CECR2: variants seen among roughly 807,000 people sequenced by gnomAD.
CECR2 encodes CECR2 histone acetyl-lysine reader.
Under a neutral mutation model 154.5 loss-of-function variants are expected in CECR2, and 30 were observed. The observed-to-expected ratio is 0.19, with a 90% CI of 0.15 to 0.26. The LOEUF (loss-of-function observed/expected upper bound fraction) is 0.26, where lower values mean the gene tolerates loss of function less well. CECR2 is among the 10% of genes least tolerant of loss of function. CECR2 has a pLI of 1.00. For synonymous variants in CECR2, 725 were observed against 683.7 expected, an observed-to-expected ratio of 1.06 and a Z score of -0.94; for missense variants, 1,743 against 1,829.3, an observed-to-expected ratio of 0.95 and a Z score of 0.86.
At chr22:17,465,403 T>C (rs5747186) in intron 1 of CECR2, among the ~76,000 whole-genome samples, 36,995 of 151,820 alleles carry the variant, frequency 0.24, 5,345 homozygotes, top group African/African-American at 0.41. Flanking sequence ...AGTCTTGGCT[T>C]GCTGCAATCT....
intron 2 of CECR2, among the ~76,000 whole-genome samples, chr22:17,478,882 T>C (rs779761462): frequency 1.3e-5 from 2 of 152,220 alleles, no homozygotes; most frequent in Non-Finnish European, 2.9e-5. Context: ...AAAATAAACA[T>C]AAAATATACC....
rs919296349 is a variant in CECR2, at chr22:17,542,999, C to T, written c.2856C>T (p.Asp952=). 2.5e-6 allele frequency: 4 copies of T among 1,602,118 alleles called. No individual in the cohort carries two copies. Among genetic ancestry groups the T allele is most frequent in the African/African-American group, 1.3e-5 (1 of 74,630 alleles). Residue 952 remains aspartate (D), a synonymous_variant, in exon 16 of 19, where the codon GAC becomes GAT. Coordinates refer to ENST00000262608, the MANE Select transcript of CECR2 (RefSeq NM_001290047.2). The stretch of plus-strand genomic sequence containing the variant: ...GTGAAGCACAAGAGCCTGAGAATGA[C>T]CAAGGTAATTTACACTGTCACTTTG... The part of the protein sequence containing the change: ...ENSEAQEPEN[D]QAEPLPGLEE...
chr22:17,365,622 G>A (rs565750996), upstream of CECR2, among the ~76,000 whole-genome samples: 25 of 152,176 alleles, frequency 1.6e-4, no homozygotes, highest in African/African-American at 5.5e-4. Context: ...TGTGAACCGG[G>A]GAGGCGGAGC....
chr22:17,414,183 A>C (rs753991529), intron 1 of CECR2, among the ~76,000 whole-genome samples: 11 of 151,638 alleles, frequency 7.3e-5, no homozygotes, highest in Admixed American at 3.3e-4. Flanking sequence ...TGTGTTAGCC[A>C]GGATGGTCTC....
intron 1 of CECR2, among the ~76,000 whole-genome samples, chr22:17,363,459 T>G (rs1339415416): frequency 6.6e-6 from 1 of 152,088 alleles, no homozygotes; most frequent in East Asian, 1.9e-4. Context: ...CCGCCTGCCT[T>G]GGCCTCCCAA....
intron 9 of CECR2, chr22:17,524,879 T>G (rs1307303392): frequency 5.0e-6 from 2 of 397,740 alleles, no homozygotes; most frequent in Non-Finnish European, 1.0e-5. Flanking sequence ...GTTGGGCAGG[T>G]TGGTCTCAAA....
chr22:17,499,130 C>G (rs2146877344), intron 3 of CECR2, among the ~76,000 whole-genome samples: 1 of 152,196 alleles, frequency 6.6e-6, no homozygotes, highest in African/African-American at 2.4e-5. Context: ...GCTGGGATTA[C>G]AGGCGCGCGC....
At position 17,378,968 on chromosome 22, in the gene CECR2, T is replaced by C. The variant is rs1376948737; in HGVS notation, c.126+9059T>C. ...ATGTTTTGTTAATTTTTTTCTTTCT[T>C]TGAGACAGAGTTTTGCTTTTGTGGC... is the stretch of plus-strand genomic sequence containing the variant. On this transcript the variant is annotated intron_variant, in intron 1 of 18. Coordinates refer to ENST00000262608, the MANE Select transcript of CECR2 (RefSeq NM_001290047.2). Among the ~76,000 whole-genome samples the C allele has an allele frequency of 2.0e-5, 3 of 152,274 alleles. No homozygotes were observed. In the East Asian group the frequency reaches 5.8e-4, roughly 29 times the overall value.
At chr22:17,552,536 G>A (rs530075413) in intron 18 of CECR2, among the ~76,000 whole-genome samples, 51 of 152,094 alleles carry the variant, frequency 3.4e-4, no homozygotes, top group African/African-American at 8.9e-4. Context: ...GCGTTGTCTC[G>A]TGCAGTGCTT....
At chr22:17,459,834 A>G (rs2054910112) in intron 1 of CECR2, among the ~76,000 whole-genome samples, 1 of 152,324 alleles carries the variant, frequency 6.6e-6, no homozygotes, top group South Asian at 2.1e-4. Flanking sequence ...ACCTAAAGCA[A>G]CTGTCTTGAA....
chr22:17,469,507 G>C (rs146699162), intron 1 of CECR2, among the ~76,000 whole-genome samples: 29 of 152,288 alleles, frequency 1.9e-4, no homozygotes, highest in Admixed American at 1.6e-3. Flanking sequence ...CCCCAAGCAG[G>C]GGGGATGATT....
chr22:17,549,786 T>TTTTTG (rs2056679334), intron 17 of CECR2, among the ~76,000 whole-genome samples: 1 of 138,680 alleles, frequency 7.2e-6, no homozygotes, highest in East Asian at 2.0e-4. Flanking sequence ...ACTTTTTGGT[T>TTTTTG]TTTTTTTTTT....
At chr22:17,493,892 G>C (rs953370099) in intron 2 of CECR2, among the ~76,000 whole-genome samples, 1 of 152,184 alleles carries the variant, frequency 6.6e-6, no homozygotes, top group Non-Finnish European at 1.5e-5. Context: ...TGCTATTCTG[G>C]TGAAATGATA....
rs1365148528 is a variant in CECR2, at chr22:17,554,249, GAAAA to G, written c.*1412_*1415del. The G allele has an allele frequency of 6.6e-6, 1 of 152,078 alleles. No individual in the cohort carries two copies. Among genetic ancestry groups the G allele is most frequent in the Non-Finnish European group, 1.5e-5 (1 of 67,980 alleles). The allele number at this position is 152,078 out of a possible 1,614,324, so 9.4% of individuals were successfully genotyped here. A position where few individuals can be genotyped will look rare whatever the true frequency, so the allele number is the denominator to read the frequency against. ...TTAAACTTTTGAATATTCCACAAAA[GAAAA>G]AACTAAGGAAAATACTGAAATTACA... On this transcript the variant is annotated 3_prime_UTR_variant, in exon 19 of 19. Transcript: ENST00000262608.
chr22:17,460,457 G>C (rs1044086002), intron 1 of CECR2, among the ~76,000 whole-genome samples: 2 of 152,180 alleles, frequency 1.3e-5, no homozygotes, highest in Non-Finnish European at 2.9e-5. Flanking sequence ...TGATCCGCCC[G>C]TCTCGGCCTC....
At position 17,524,672 on chromosome 22, in the gene CECR2, A is replaced by G. The variant is rs174322; in HGVS notation, c.1108+401A>G. ...CTCCCAAAGTGCTGGGATTACAGGC[A>G]TGAGCCACCATGCCTGGCCCTTTTT... On this transcript the variant is annotated intron_variant, in intron 9 of 18. Transcript: ENST00000262608. Among the ~76,000 whole-genome samples, 887 of 109,960 alleles carry G rather than the reference A, an allele frequency of 8.1e-3. 6 individuals carry two copies. The highest frequency in any genetic ancestry group is 0.041 in the Middle Eastern group (6 of 148). The allele number at this position is 109,960 out of a possible 152,430, so 72.1% of individuals were successfully genotyped here. A position where few individuals can be genotyped will look rare whatever the true frequency, so the allele number is the denominator to read the frequency against.
chr22:17,505,217 C>T (rs768629712), intron 7 of CECR2, among the ~76,000 whole-genome samples: 4 of 152,074 alleles, frequency 2.6e-5, no homozygotes, highest in African/African-American at 4.8e-5. Flanking sequence ...TTCTCCTTCC[C>T]CCAGAAAGTC....
intron 1 of CECR2, among the ~76,000 whole-genome samples, chr22:17,438,710 T>C (rs1052028998): frequency 4.6e-5 from 7 of 152,058 alleles, no homozygotes; most frequent in South Asian, 2.1e-4. Context: ...CTTCTTCAAG[T>C]GTGGGCCAGG....
At chr22:17,488,836 T>TA (rs1423721525) in intron 2 of CECR2, among the ~76,000 whole-genome samples, 8 of 152,232 alleles carry the variant, frequency 5.3e-5, no homozygotes, top group African/African-American at 1.4e-4. Context: ...GGTCACATGG[T>TA]AAAAGTATGT....
Sources: allele counts gnomAD v4.1 joint callset (sites outside exome capture counted in the v4.1 genomes callset), GRCh38; gene constraint gnomAD v4.1.1; transcripts MANE v1.5; gene names NCBI Gene and HGNC (gene_info 2026-07-23, HGNC 2026-07-21).